The following RGS7 variants were observed in gnomAD, a reference collection of about 807,000 sequenced individuals.
RGS7 encodes the protein regulator of G protein signaling 7.
In RGS7, 27 loss-of-function variants were observed where a neutral mutation model predicts 81.1. That is an observed-to-expected ratio of 0.33 (90% CI 0.25 to 0.46). The LOEUF (loss-of-function observed/expected upper bound fraction) is 0.46. Among genes scored for constraint, RGS7 ranks in the 20% least tolerant of loss-of-function variants. The pLI is 1.00. For synonymous variants in RGS7, 208 were observed against 207.7 expected, an observed-to-expected ratio of 1.00 and a Z score of -0.01; for missense variants, 396 against 607.4, an observed-to-expected ratio of 0.65 and a Z score of 3.66.
intron 3 of RGS7, among the ~76,000 whole-genome samples, chr1:240,984,430 A>T (rs984218866): frequency 6.6e-6 from 1 of 152,208 alleles, no homozygotes; most frequent in Non-Finnish European, 1.5e-5. Context: ...CTAATTAGGT[A>T]TAAAGGTTAT....
At chr1:240,836,311 A>T (rs1047577541) in intron 9 of RGS7, among the ~76,000 whole-genome samples, 1 of 152,180 alleles carries the variant, frequency 6.6e-6, no homozygotes, top group Non-Finnish European at 1.5e-5. Flanking sequence ...GAGCACTTTG[A>T]GAGTGGATTA....
At chr1:240,788,958 T>A (rs571273468) in intron 18 of RGS7, among the ~76,000 whole-genome samples, 1 of 152,260 alleles carries the variant, frequency 6.6e-6, no homozygotes, top group African/African-American at 2.4e-5. Context: ...GCCAACATGG[T>A]GAAACCTCCT....
intron 2 of RGS7, among the ~76,000 whole-genome samples, chr1:241,342,243 G>A (rs1005364693): frequency 1.3e-5 from 2 of 152,028 alleles, no homozygotes; most frequent in African/African-American, 2.4e-5. Flanking sequence ...ATGAGAAAGA[G>A]CGAATATCAT....
At chr1:240,787,742 G>T (rs1444062386) in intron 18 of RGS7, among the ~76,000 whole-genome samples, 2 of 152,074 alleles carry the variant, frequency 1.3e-5, no homozygotes, top group African/African-American at 2.4e-5. Flanking sequence ...GGAAAGAAGG[G>T]TAAAGAGCCA....
In RGS7 at chr1:241,144,939, GT is replaced by G. The variant is rs2068197779; in HGVS notation, c.79-46178del. 6.8e-6 allele frequency among the ~76,000 whole-genome samples: 1 copy of G among 146,552 alleles called. No homozygotes were observed. The highest frequency in any genetic ancestry group is 2.7e-5 in the African/African-American group (1 of 36,524). On this transcript the variant is annotated intron_variant, in intron 2 of 18. Coordinates refer to ENST00000440928, the MANE Select transcript of RGS7 (RefSeq NM_001364886.1). The surrounding 1 kb of genome is among the most constrained non-coding windows in gnomAD (Gnocchi z 4.7). ...GCAGGGCAGGATGGTGTGTGTGTGT[GT>G]GTGTGTGTGTGTGTGTGTGTGTGTT...
chr1:241,098,232 T>C (rs2459948), intron 3 of RGS7, among the ~76,000 whole-genome samples: 2,670 of 152,304 alleles, frequency 0.018, 84 homozygotes, highest in African/African-American at 0.062. Flanking sequence ...GCACAGTTGG[T>C]GGTGACAGCG....
At chr1:241,235,399 C>T (rs1348678606) in intron 2 of RGS7, among the ~76,000 whole-genome samples, 3 of 152,268 alleles carry the variant, frequency 2.0e-5, no homozygotes, top group Non-Finnish European at 1.5e-5. Flanking sequence ...TTAGAATTTA[C>T]AGGATCCAAA....
chr1:240,913,980 T>C (rs957247821), intron 6 of RGS7, among the ~76,000 whole-genome samples: 2 of 152,026 alleles, frequency 1.3e-5, no homozygotes, highest in Non-Finnish European at 1.5e-5. Context: ...GTTACATATG[T>C]ATACATGTGC....
chr1:240,959,185 T>C (rs568180504), intron 4 of RGS7, among the ~76,000 whole-genome samples: 2 of 152,370 alleles, frequency 1.3e-5, no homozygotes, highest in African/African-American at 4.8e-5. Flanking sequence ...CTTTGACTGC[T>C]GAATTAAAAG....
intron 3 of RGS7, among the ~76,000 whole-genome samples, chr1:241,022,495 GTC>G (rs1324170999): frequency 6.6e-6 from 1 of 152,146 alleles, no homozygotes; most frequent in Non-Finnish European, 1.5e-5. Context: ...ACTTTGCAGA[GTC>G]TACATTCTAA....
rs76007321 is a variant in RGS7 at position 241,249,707 on chromosome 1, A to G, written c.78+105992T>C. ...CCTCTTCTGAACATATGCATTCATT[A>G]TGATCTAGCAATCTCTTTCTAAGTA... On this transcript the variant is annotated intron_variant, in intron 2 of 18. Transcript: ENST00000440928. Among the ~76,000 whole-genome samples, 624 of 152,294 alleles carry G rather than the reference A, an allele frequency of 4.1e-3. 6 individuals are homozygous for G. Among genetic ancestry groups the G allele is most frequent in the African/African-American group, 0.014 (599 of 41,578 alleles).
At chr1:241,244,483 T>C (rs1186261565) in intron 2 of RGS7, among the ~76,000 whole-genome samples, 1 of 152,050 alleles carries the variant, frequency 6.6e-6, no homozygotes. Flanking sequence ...TGTGGAGAAA[T>C]AGGAACACTT....
At chr1:241,120,008 G>T (rs2066140331) in intron 2 of RGS7, among the ~76,000 whole-genome samples, 2 of 152,204 alleles carry the variant, frequency 1.3e-5, no homozygotes. Context: ...GGTCCGAGTG[G>T]CGTGTTGTAA....
At chr1:241,064,703 C>T (rs1468186388) in intron 3 of RGS7, among the ~76,000 whole-genome samples, 2 of 151,414 alleles carry the variant, frequency 1.3e-5, no homozygotes, top group African/African-American at 2.4e-5. Flanking sequence ...CCAGACCAGT[C>T]GGGCAACATA....
At chr1:241,161,842 C>T (rs1434039895) in intron 2 of RGS7, among the ~76,000 whole-genome samples, 2 of 151,670 alleles carry the variant, frequency 1.3e-5, no homozygotes, top group East Asian at 1.9e-4. Context: ...CTCAGCCACC[C>T]GAGTAGCTGG....
At chr1:240,845,440 G>T (rs577732446) in intron 9 of RGS7, among the ~76,000 whole-genome samples, 278 of 152,250 alleles carry the variant, frequency 1.8e-3, no homozygotes, top group African/African-American at 6.5e-3. Flanking sequence ...GCCGGTCCTG[G>T]TGCGATATAA....
chr1:240,862,107 G>T (rs1662318524), intron 9 of RGS7, among the ~76,000 whole-genome samples: 1 of 152,034 alleles, frequency 6.6e-6, no homozygotes, highest in Non-Finnish European at 1.5e-5. Flanking sequence ...TCTGTCTGGA[G>T]TCCTTAGTAA....
intron 2 of RGS7, among the ~76,000 whole-genome samples, chr1:241,294,140 G>A (rs2079251743): frequency 6.6e-6 from 1 of 152,152 alleles, no homozygotes; most frequent in Non-Finnish European, 1.5e-5. Flanking sequence ...GTCCTTTGCT[G>A]GGACACGGAT....
At chr1:241,104,713 T>C (rs906273538) in intron 2 of RGS7, among the ~76,000 whole-genome samples, 1 of 152,234 alleles carries the variant, frequency 6.6e-6, no homozygotes, top group Non-Finnish European at 1.5e-5. Flanking sequence ...AGAATATGTA[T>C]TGCTGAACTC....
Sources: gnomAD v4.1 joint callset for allele counts (sites outside exome capture counted in the v4.1 genomes callset) on GRCh38, gnomAD v4.1.1 for gene constraint, Gnocchi (gnomAD v3.1) non-coding constraint, MANE v1.5 for transcripts, NCBI Gene and HGNC (gene_info 2026-07-23, HGNC 2026-07-21) for gene names.